GALNT13: variants seen among roughly 807,000 people sequenced by gnomAD.
GALNT13 encodes the protein polypeptide N-acetylgalactosaminyltransferase 13.
In GALNT13, 28 loss-of-function variants were observed where a neutral mutation model predicts 64.2. The ratio of observed to expected loss-of-function variants is 0.44; its 90% CI spans 0.32 to 0.60. The LOEUF is 0.60. GALNT13 is among the 20% of genes least tolerant of loss of function. The pLI is 0.05. For missense variants in GALNT13, 577 were observed against 669.8 expected (o/e 0.86, Z 1.53); for synonymous variants, 214 against 224.6 (o/e 0.95, Z 0.42).
At chr2:153,266,888 CA>C in the GALNT13 span, among the ~76,000 whole-genome samples, 2 of 152,168 alleles carry the variant, frequency 1.3e-5, no homozygotes, top group Non-Finnish European at 2.9e-5. Flanking sequence ...AGCATTACCC[CA>C]AAAGTCCAAG....
intron 1 of GALNT13, among the ~76,000 whole-genome samples, chr2:153,897,950 A>G (rs1157944668): frequency 6.6e-6 from 1 of 151,920 alleles, no homozygotes; most frequent in East Asian, 1.9e-4. Context: ...GCCACCTCAA[A>G]TGTCATGTAT....
At chr2:153,870,898 A>C (rs1447969191), upstream of GALNT13, among the ~76,000 whole-genome samples, 1 of 151,982 alleles carries the variant, frequency 6.6e-6, no homozygotes, top group African/African-American at 2.4e-5. Flanking sequence ...ATTACAAACA[A>C]GACAACTGAC....
At chr2:153,365,100 C>A in the GALNT13 span, among the ~76,000 whole-genome samples, 1 of 152,092 alleles carries the variant, frequency 6.6e-6, no homozygotes, top group Admixed American at 6.5e-5. Flanking sequence ...CATCTACAAC[C>A]ATCTGATCTT....
chr2:153,488,766 C>T, the GALNT13 span, among the ~76,000 whole-genome samples: 1 of 152,184 alleles, frequency 6.6e-6, no homozygotes, highest in Non-Finnish European at 1.5e-5. Flanking sequence ...ACTGCCTCCC[C>T]TCCAAAATTC....
chr2:153,836,724 T>C, the GALNT13 span, among the ~76,000 whole-genome samples: 4 of 149,202 alleles, frequency 2.7e-5, no homozygotes, highest in East Asian at 8.2e-4. Flanking sequence ...GATCTCATTG[T>C]TCAATTCCCA....
the GALNT13 span, among the ~76,000 whole-genome samples, chr2:153,071,541 A>T: frequency 6.6e-6 from 1 of 152,322 alleles, no homozygotes; most frequent in East Asian, 1.9e-4. Context: ...CATTATGTAA[A>T]GGGGTTTTAT....
In GALNT13 at chr2:154,040,475, C is replaced by G. The variant is rs1698910926; in HGVS notation, c.142+95836C>G. 6.4e-5 allele frequency among the ~76,000 whole-genome samples: 9 copies of G among 140,324 alleles called. 2 individuals are homozygous for G. 92.1% of individuals were successfully genotyped at this position (140,324 alleles called of 152,430 possible). Reference sequence around the variant, plus strand: ...CATATTGTCTTGGTTCAATTTTTTCCCCTCAACACATCAGCTGTATGATTA... The same window carrying G: ...CATATTGTCTTGGTTCAATTTTTTCGCCTCAACACATCAGCTGTATGATTA... On this transcript the variant is annotated intron_variant, in intron 3 of 12. Transcript: ENST00000392825.
chr2:153,499,578 A>T, the GALNT13 span, among the ~76,000 whole-genome samples: 4 of 152,092 alleles, frequency 2.6e-5, no homozygotes, highest in Non-Finnish European at 4.4e-5. Flanking sequence ...CAGGCTTTTC[A>T]TGCCGAGGAA....
the GALNT13 span, among the ~76,000 whole-genome samples, chr2:153,190,330 T>C: frequency 6.6e-6 from 1 of 152,100 alleles, no homozygotes; most frequent in Non-Finnish European, 1.5e-5. Flanking sequence ...CACAACTTAT[T>C]GAAGAGAGTG....
At chr2:154,021,668 C>G (rs1359178856) in intron 3 of GALNT13, among the ~76,000 whole-genome samples, 2 of 151,870 alleles carry the variant, frequency 1.3e-5, no homozygotes, top group Non-Finnish European at 2.9e-5. Flanking sequence ...TTGACTTTCT[C>G]TTTTCCTAAT....
the GALNT13 span, among the ~76,000 whole-genome samples, chr2:153,729,268 T>A: frequency 6.6e-6 from 1 of 152,174 alleles, no homozygotes; most frequent in Admixed American, 6.6e-5. Context: ...ATTTGAAAAT[T>A]ATTTGGATAT....
intron 8 of GALNT13, among the ~76,000 whole-genome samples, chr2:154,296,757 A>T (rs182038715): frequency 8.9e-4 from 135 of 152,126 alleles, no homozygotes; most frequent in African/African-American, 3.0e-3. Flanking sequence ...TTTTTATTTT[A>T]TTTTTTTAAA....
the GALNT13 span, among the ~76,000 whole-genome samples, chr2:153,485,060 T>A: frequency 6.6e-6 from 1 of 152,212 alleles, no homozygotes; most frequent in Non-Finnish European, 1.5e-5. Context: ...GGTGGTACCT[T>A]GTTTGAAGTT....
the GALNT13 span, among the ~76,000 whole-genome samples, chr2:153,734,383 A>G: frequency 1.3e-5 from 2 of 152,162 alleles, no homozygotes; most frequent in African/African-American, 2.4e-5. Context: ...GTTTTGACTT[A>G]TTGACTTACC....
At chr2:153,143,562 T>G in the GALNT13 span, among the ~76,000 whole-genome samples, 4 of 152,038 alleles carry the variant, frequency 2.6e-5, no homozygotes, top group Non-Finnish European at 5.9e-5. Context: ...ATTGAAACCT[T>G]GAAAAGTAGC....
chr2:153,489,218 C>T, the GALNT13 span, among the ~76,000 whole-genome samples: 1 of 152,136 alleles, frequency 6.6e-6, no homozygotes, highest in East Asian at 1.9e-4. Context: ...GCCCAGACTT[C>T]ACAACTACAC....
intron 3 of GALNT13, among the ~76,000 whole-genome samples, chr2:153,995,617 A>G (rs971593713): frequency 6.6e-6 from 1 of 152,136 alleles, no homozygotes; most frequent in African/African-American, 2.4e-5. Context: ...AAATCAGTGT[A>G]GTTTTGATCT....
chr2:153,429,619 C>T, the GALNT13 span, among the ~76,000 whole-genome samples: 1 of 151,970 alleles, frequency 6.6e-6, no homozygotes, highest in Non-Finnish European at 1.5e-5. Flanking sequence ...AAAGCAGCAG[C>T]ATTAATTAAA....
the GALNT13 span, among the ~76,000 whole-genome samples, chr2:153,135,842 C>T: frequency 6.6e-6 from 1 of 151,838 alleles, no homozygotes; most frequent in African/African-American, 2.4e-5. Flanking sequence ...TCTACTCTGA[C>T]TATATGTAAT....
Sources: gnomAD v4.1 joint callset for allele counts (sites outside exome capture counted in the v4.1 genomes callset) on GRCh38, gnomAD v4.1.1 for gene constraint, MANE v1.5 for transcripts, NCBI Gene and HGNC (gene_info 2026-07-23, HGNC 2026-07-21) for gene names.